NXPE2: variants seen among roughly 807,000 people sequenced by gnomAD.
NXPE2 encodes the protein NXPE family member 2.
NXPE2 carries 34 observed loss-of-function variants against 34.4 expected under a neutral mutation model. That is an observed-to-expected ratio of 0.99 (90% CI 0.75 to 1.31). NXPE2 has a LOEUF of 1.31. Among genes scored for constraint, NXPE2 ranks in the 40% most tolerant of loss-of-function variants. NXPE2 has a pLI of 0.00. For synonymous variants in NXPE2, 235 were observed against 231.3 expected (o/e 1.02, Z -0.15); for missense variants, 649 against 672.5 (o/e 0.97, Z 0.39).
the NXPE2 span, among the ~76,000 whole-genome samples, chr11:114,780,937 T>C: frequency 6.6e-6 from 1 of 151,922 alleles, no homozygotes; most frequent in African/African-American, 2.4e-5. Context: ...TGATGAGGGG[T>C]GAGGCATTGC....
At chr11:114,693,942 G>C (rs973750309) in intron 2 of NXPE2, among the ~76,000 whole-genome samples, 5 of 152,188 alleles carry the variant, frequency 3.3e-5, no homozygotes, top group African/African-American at 4.8e-5. Context: ...TTACAAAATG[G>C]ATCTCACTGG....
chr11:114,631,967 C>G, the NXPE2 span, among the ~76,000 whole-genome samples: 63,351 of 149,268 alleles, frequency 0.42, 14,757 homozygotes, highest in African/African-American at 0.61. Context: ...CTATTACGTA[C>G]TGGATAATAA....
At chr11:114,617,445 C>T in the NXPE2 span, among the ~76,000 whole-genome samples, 14 of 151,868 alleles carry the variant, frequency 9.2e-5, no homozygotes, top group African/African-American at 3.4e-4. Flanking sequence ...AGTATTGCCT[C>T]GTGGATAACC....
At chr11:114,498,486 G>A in the NXPE2 span, among the ~76,000 whole-genome samples, 3 of 151,986 alleles carry the variant, frequency 2.0e-5, no homozygotes, top group South Asian at 6.2e-4. Flanking sequence ...AAAAATTATT[G>A]TCCTTCATTA....
the NXPE2 span, among the ~76,000 whole-genome samples, chr11:114,638,911 AG>A: frequency 1.3e-5 from 2 of 151,792 alleles, no homozygotes; most frequent in Non-Finnish European, 2.9e-5. Flanking sequence ...CTTGGGGGTC[AG>A]GGGTCAGGGA....
chr11:114,589,754 A>G, the NXPE2 span, among the ~76,000 whole-genome samples: 2 of 152,118 alleles, frequency 1.3e-5, no homozygotes. Flanking sequence ...CTAAAGCCAG[A>G]GGGTAAGAAA....
At chr11:114,617,243 A>T in the NXPE2 span, among the ~76,000 whole-genome samples, 1 of 151,552 alleles carries the variant, frequency 6.6e-6, no homozygotes. Context: ...CTCGTGGGTA[A>T]CCACTGTTAC....
the NXPE2 span, among the ~76,000 whole-genome samples, chr11:114,736,712 G>C: frequency 6.6e-6 from 1 of 152,184 alleles, no homozygotes; most frequent in African/African-American, 2.4e-5. Flanking sequence ...AATCACAAGG[G>C]TATTGATTGG....
chr11:114,579,998 C>G, the NXPE2 span: 1 of 724,770 alleles, frequency 1.4e-6, no homozygotes, highest in Non-Finnish European at 2.4e-6. Flanking sequence ...ATAACAATGC[C>G]TTGTGAAAAA....
the NXPE2 span, among the ~76,000 whole-genome samples, chr11:114,618,377 G>A: frequency 3.4e-5 from 5 of 148,732 alleles, no homozygotes; most frequent in East Asian, 2.1e-4. Flanking sequence ...CTCATGGGTA[G>A]TCACTGTTAC....
At chr11:114,479,155 C>T in the NXPE2 span, among the ~76,000 whole-genome samples, 1 of 152,210 alleles carries the variant, frequency 6.6e-6, no homozygotes. Flanking sequence ...TTTGGTGCAG[C>T]TCAAGAGCCC....
chr11:114,786,087 G>A, the NXPE2 span, among the ~76,000 whole-genome samples: 2 of 152,228 alleles, frequency 1.3e-5, no homozygotes, highest in African/African-American at 4.8e-5. Context: ...GTAGGAACCT[G>A]TAATAAGGGA....
chr11:114,635,137 C>A, the NXPE2 span, among the ~76,000 whole-genome samples: 757 of 150,968 alleles, frequency 5.0e-3, 5 homozygotes, highest in African/African-American at 0.016. Flanking sequence ...TCTTTTATTT[C>A]CTTGAGCAGT....
chr11:114,602,747 CAT>C, the NXPE2 span, among the ~76,000 whole-genome samples: 1 of 143,462 alleles, frequency 7.0e-6, no homozygotes, highest in Non-Finnish European at 1.5e-5. Context: ...ATTAAAGAAT[CAT>C]ATATAAGTAT....
the NXPE2 span, among the ~76,000 whole-genome samples, chr11:114,768,997 G>A: frequency 6.6e-6 from 1 of 152,038 alleles, no homozygotes; most frequent in African/African-American, 2.4e-5. Flanking sequence ...CATAGCAAAA[G>A]AAACTATCAT....
At chr11:114,739,344 C>G in the NXPE2 span, among the ~76,000 whole-genome samples, 1 of 90,140 alleles carries the variant, frequency 1.1e-5, no homozygotes, top group African/African-American at 4.1e-5. Context: ...TCCTTCCCCC[C>G]TTCCTCTCTC....
At chr11:114,650,114 A>C in the NXPE2 span, among the ~76,000 whole-genome samples, 42 of 152,332 alleles carry the variant, frequency 2.8e-4, 1 homozygote, top group African/African-American at 1.0e-3. Context: ...TAACTTTCTC[A>C]AATACATCAT....
chr11:114,742,604 A>G, the NXPE2 span, among the ~76,000 whole-genome samples: 2 of 135,604 alleles, frequency 1.5e-5, no homozygotes, highest in African/African-American at 5.5e-5. Flanking sequence ...ACTTTCTTCA[A>G]TGTGTTTATT....
chr11:114,547,267 G>A, the NXPE2 span, among the ~76,000 whole-genome samples: 2 of 152,176 alleles, frequency 1.3e-5, no homozygotes, highest in South Asian at 4.1e-4. Context: ...GTGATGAGTG[G>A]AAGACCACTT....
Sources: gnomAD v4.1 joint callset for allele counts (sites outside exome capture counted in the v4.1 genomes callset) on GRCh38, gnomAD v4.1.1 for gene constraint, MANE v1.5 for transcripts, NCBI Gene and HGNC (gene_info 2026-07-23, HGNC 2026-07-21) for gene names.